PKIA: variants seen among roughly 807,000 people sequenced by gnomAD.
The protein encoded by PKIA is cAMP-dependent protein kinase inhibitor alpha, also known as PKI-alpha.
PKIA carries 4 observed loss-of-function variants against 7.6 expected under a neutral mutation model. That is an observed-to-expected ratio of 0.52 (90% CI 0.26 to 1.20). The LOEUF (loss-of-function observed/expected upper bound fraction) is 1.20, where lower values mean the gene tolerates loss of function less well. Among genes scored for constraint, PKIA ranks in the 50% most tolerant of loss-of-function variants. PKIA has a pLI of 0.13. For synonymous variants in PKIA, 21 were observed against 30.7 expected (o/e 0.68, Z 1.04); for missense variants, 73 against 86.2 (o/e 0.85, Z 0.61).
chr8:78,547,241 T>G (rs919612072), intron 1 of PKIA, among the ~76,000 whole-genome samples: 3 of 152,072 alleles, frequency 2.0e-5, no homozygotes, highest in Admixed American at 6.6e-5. Context: ...CCCAAGTAGC[T>G]GGGATTATAG....
chr8:78,516,663 CAAA>C (rs970893118), intron 1 of PKIA, among the ~76,000 whole-genome samples, 195 bp downstream of exon 1: 1 of 152,244 alleles, frequency 6.6e-6, no homozygotes, highest in African/African-American at 2.4e-5. Context: ...ACTGGGCAAA[CAAA>C]GAAGGCGTTC....
chr8:78,540,162 T>G (rs562792332), intron 1 of PKIA, among the ~76,000 whole-genome samples: 8 of 151,528 alleles, frequency 5.3e-5, no homozygotes, highest in South Asian at 2.1e-4. Context: ...AGGGTGTAAC[T>G]TGCTTCCCTA....
Position 78,521,245 on chromosome 8 carries a change from C to G in PKIA, c.-157+4777C>G, listed in dbSNP as rs147545247. 4.3e-3 allele frequency among the ~76,000 whole-genome samples: 655 copies of G among 152,168 alleles called. 2 individuals carry two copies. The highest frequency in any genetic ancestry group is 0.015 in the African/African-American group (630 of 41,540). On this transcript the variant is annotated intron_variant, in intron 1 of 3. Transcript: ENST00000396418. ...AGTTCTCTTAGGATGGACTTATTAA[C>G]TGTCTCAATATTAATATTTCTTTAT...
rs950749734 is a variant in PKIA, at chr8:78,602,539, C to T, written c.*718C>T. On this transcript the variant is annotated 3_prime_UTR_variant, in exon 4 of 4. Coordinates refer to ENST00000396418, the MANE Select transcript of PKIA (RefSeq NM_006823.4). ...ATGTTGATGAGTTGATTAAGTCTAA[C>T]AGATTCATCAAGACTCCATTGCTTT... 1 of 152,134 alleles carries T rather than the reference C, an allele frequency of 6.6e-6. No homozygotes were observed. Among genetic ancestry groups the T allele is most frequent in the Non-Finnish European group, 1.5e-5 (1 of 67,898 alleles). 9.4% of individuals were successfully genotyped at this position (152,134 alleles called of 1,614,324 possible). A position where few individuals can be genotyped will look rare whatever the true frequency, so the allele number is the denominator to read the frequency against.
chr8:78,574,118 C>A (rs1282123517), intron 2 of PKIA, among the ~76,000 whole-genome samples: 1 of 151,882 alleles, frequency 6.6e-6, no homozygotes, highest in African/African-American at 2.4e-5. Flanking sequence ...GCAAACTTTT[C>A]TTTTCTTCAG....
Position 78,537,840 on chromosome 8 carries a change from T to C in PKIA, c.-157+21372T>C, listed in dbSNP as rs749107663. On this transcript the variant is annotated intron_variant, in intron 1 of 3. Coordinates refer to ENST00000396418, the MANE Select transcript of PKIA (RefSeq NM_006823.4). ...TCAAATGGGCCTTCTGCTGCAGACA[T>C]ACTTATCTATTGACAGTTCTTTTGA... is the stretch of plus-strand genomic sequence containing the variant. 2.1e-4 allele frequency among the ~76,000 whole-genome samples: 32 copies of C among 152,172 alleles called. 1 individual carries two copies. The highest frequency in any genetic ancestry group is 3.4e-3 in the Middle Eastern group (1 of 294).
intron 1 of PKIA, chr8:78,558,510 G>A (rs1807203266): frequency 6.4e-6 from 1 of 156,206 alleles, no homozygotes; most frequent in South Asian, 2.0e-4. Context: ...CGATGAGGAA[G>A]AAGCAAAAGC....
intron 1 of PKIA, among the ~76,000 whole-genome samples, chr8:78,547,502 A>G (rs953718386): frequency 6.6e-6 from 1 of 152,182 alleles, no homozygotes; most frequent in Non-Finnish European, 1.5e-5. Context: ...TAATTAATTT[A>G]TATATCTTAA....
intron 2 of PKIA, among the ~76,000 whole-genome samples, chr8:78,586,999 T>A (rs1807964002): frequency 6.6e-6 from 1 of 152,208 alleles, no homozygotes; most frequent in South Asian, 2.1e-4. Context: ...AAGGCACTAT[T>A]AAACCGTAGC....
At chr8:78,576,711 C>T (rs542967130) in intron 2 of PKIA, among the ~76,000 whole-genome samples, 11 of 152,076 alleles carry the variant, frequency 7.2e-5, no homozygotes, top group African/African-American at 2.4e-4. Flanking sequence ...GGCAATGGAC[C>T]TCTACAGTCC....
chr8:78,559,270 T>C (rs577072358), intron 1 of PKIA, among the ~76,000 whole-genome samples: 2 of 152,082 alleles, frequency 1.3e-5, no homozygotes, highest in South Asian at 2.1e-4. Flanking sequence ...CTACCGACTC[T>C]AGGAAGTAGC....
chr8:78,538,572 T>C (rs1806594121), intron 1 of PKIA, among the ~76,000 whole-genome samples: 1 of 152,052 alleles, frequency 6.6e-6, no homozygotes, highest in African/African-American at 2.4e-5. Flanking sequence ...AAGCTTCTAA[T>C]ACTAAGAAAA....
intron 2 of PKIA, among the ~76,000 whole-genome samples, chr8:78,589,843 G>T (rs1207851701): frequency 6.6e-6 from 1 of 152,170 alleles, no homozygotes; most frequent in African/African-American, 2.4e-5. Context: ...AAGCACTTCT[G>T]TTGTGTATCA....
intron 1 of PKIA, chr8:78,534,596 T>C (rs1447613116): frequency 6.6e-6 from 1 of 152,124 alleles, no homozygotes; most frequent in Non-Finnish European, 1.5e-5. Context: ...ATTCCAGGTA[T>C]GGTACTGGTC....
chr8:78,518,857 A>G (rs1358432758), intron 1 of PKIA, among the ~76,000 whole-genome samples: 3 of 152,216 alleles, frequency 2.0e-5, no homozygotes, highest in Non-Finnish European at 2.9e-5. Context: ...CAACTGAGGA[A>G]GATAATCAAA....
chr8:78,561,460 T>G (rs1807284673), intron 1 of PKIA, among the ~76,000 whole-genome samples: 1 of 151,988 alleles, frequency 6.6e-6, no homozygotes, highest in South Asian at 2.1e-4. Flanking sequence ...CAAGTTTTTT[T>G]GTTTTTTTTT....
chr8:78,546,177 G>A (rs1806817311), intron 1 of PKIA, among the ~76,000 whole-genome samples: 1 of 152,154 alleles, frequency 6.6e-6, no homozygotes, highest in Non-Finnish European at 1.5e-5. Flanking sequence ...CTGGGGACAT[G>A]ACTAGTTTAT....
chr8:78,551,735 C>A (rs1027501907), intron 1 of PKIA, among the ~76,000 whole-genome samples: 10 of 151,910 alleles, frequency 6.6e-5, no homozygotes, highest in Non-Finnish European at 1.5e-4. Context: ...CTTGGCAGAA[C>A]CTTCAGCAAT....
intron 1 of PKIA, among the ~76,000 whole-genome samples, chr8:78,563,923 T>C (rs1372758698): frequency 6.6e-6 from 1 of 152,106 alleles, no homozygotes; most frequent in East Asian, 1.9e-4. Flanking sequence ...GAAGACTCAG[T>C]GCTGTGAAGT....
Sources: allele counts gnomAD v4.1 joint callset (sites outside exome capture counted in the v4.1 genomes callset), GRCh38; gene constraint gnomAD v4.1.1; transcripts MANE v1.5; gene names NCBI Gene and HGNC (gene_info 2026-07-23, HGNC 2026-07-21).